The following IGSF11 variants were observed in gnomAD, a reference collection of about 807,000 sequenced individuals.
The protein encoded by IGSF11 is CXADR like 1.
Under a neutral mutation model 41.0 loss-of-function variants are expected in IGSF11, and 22 were observed. That is an observed-to-expected ratio of 0.54 (90% CI 0.38 to 0.77). The LOEUF (loss-of-function observed/expected upper bound fraction) is 0.77. Among genes scored for constraint, IGSF11 ranks in the 30% least tolerant of loss-of-function variants. The probability of loss-of-function intolerance (pLI) is 0.00; values close to 1 mark genes in which losing one functional copy is unlikely to be tolerated. For missense variants in IGSF11, 444 were observed against 530.8 expected, an observed-to-expected ratio of 0.84 and a Z score of 1.61; for synonymous variants, 219 against 201.3, an observed-to-expected ratio of 1.09 and a Z score of -0.74.
chr3:118,903,454 T>C (rs186101511), intron 6 of IGSF11, among the ~76,000 whole-genome samples: 200 of 152,194 alleles, frequency 1.3e-3, no homozygotes, highest in African/African-American at 3.7e-3. Flanking sequence ...CTAGGTGCCA[T>C]AAAATAGCTG....
intron 1 of IGSF11, among the ~76,000 whole-genome samples, chr3:119,116,119 G>C (rs2077252726): frequency 6.6e-6 from 1 of 152,188 alleles, no homozygotes; most frequent in South Asian, 2.1e-4. Flanking sequence ...GTGTCTGGAA[G>C]GGTGTTTCTA....
intron 1 of IGSF11, among the ~76,000 whole-genome samples, chr3:119,085,098 T>A (rs936847104): frequency 6.6e-6 from 1 of 152,130 alleles, no homozygotes; most frequent in Non-Finnish European, 1.5e-5. Flanking sequence ...GTGGGCACAT[T>A]GCCAATGATG....
intron 1 of IGSF11, among the ~76,000 whole-genome samples, chr3:119,051,789 A>G (rs1941638007): frequency 6.6e-6 from 1 of 152,192 alleles, no homozygotes; most frequent in African/African-American, 2.4e-5. Context: ...CTCTCAGACC[A>G]CAGTGGAATA....
In IGSF11 at chr3:118,902,788, T is replaced by A; in HGVS notation, c.1028A>T (p.Gln343Leu). The A allele has an allele frequency of 6.2e-6, 10 of 1,614,176 alleles. No individual in the cohort carries two copies. Among genetic ancestry groups the A allele is most frequent in the Non-Finnish European group, 8.5e-6 (10 of 1,180,014 alleles). ...ATTGCCTGAGTGGAAAGAGAAAGAT[T>A]GGCCCAAGTCACTGAAGTGGCTGAC... ...ESVSHFSDLG[Q>L]SFSFHSGNAN... Residue 343 changes from glutamine to leucine, a missense_variant, in exon 7 of 7, where the codon CAA becomes CTA. Transcript: ENST00000393775.
intron 3 of IGSF11, among the ~76,000 whole-genome samples, chr3:118,926,902 CA>C (rs934516217): frequency 1.3e-5 from 2 of 152,054 alleles, no homozygotes; most frequent in Admixed American, 6.6e-5. Flanking sequence ...AGGAAAAAAA[CA>C]AAACAAAACC....
rs960903827 is a variant in IGSF11 at position 119,142,293 on chromosome 3, A to C, written c.-14+3520T>G. Among the ~76,000 whole-genome samples the C allele has an allele frequency of 1.2e-4, 18 of 151,852 alleles. No individual in the cohort carries two copies. The South Asian group carries it at 2.3e-3, about 19-fold the overall frequency. On this transcript the variant is annotated intron_variant, in intron 1 of 7. Coordinates refer to the IGSF11 transcript ENST00000425327. ...CCATCTCAAAAAAAAAAAAAAAAAAAAAAGTGTCTGCATGTATTGGACATC... is the reference window on the plus strand; with the variant it reads ...CCATCTCAAAAAAAAAAAAAAAAAACAAAGTGTCTGCATGTATTGGACATC...
chr3:119,061,306 T>G (rs1209523449), intron 1 of IGSF11, among the ~76,000 whole-genome samples: 1 of 152,144 alleles, frequency 6.6e-6, no homozygotes, highest in Admixed American at 6.5e-5. Flanking sequence ...TTAGATCAGC[T>G]TCTCACAGGT....
At chr3:119,064,223 A>C (rs1942147456) in intron 1 of IGSF11, among the ~76,000 whole-genome samples, 1 of 152,216 alleles carries the variant, frequency 6.6e-6, no homozygotes, top group African/African-American at 2.4e-5. Context: ...TGCAGTCCAT[A>C]TGGATTTAAT....
chr3:118,930,345 T>TTTA (rs1559915425), intron 1 of IGSF11, 70 bp from the exon 2 acceptor site: 2 of 1,447,204 alleles, frequency 1.4e-6, no homozygotes, highest in Admixed American at 4.5e-5. Context: ...TCAGGAAGGT[T>TTTA]TGCGTGTTTT....
intron 4 of IGSF11, among the ~76,000 whole-genome samples, chr3:118,912,804 A>G (rs1326595923): frequency 2.0e-5 from 3 of 152,176 alleles, no homozygotes; most frequent in Admixed American, 6.5e-5. Context: ...AATAGTCACC[A>G]TAATAAAAGA....
intron 4 of IGSF11, among the ~76,000 whole-genome samples, chr3:118,920,720 T>C (rs1267703334): frequency 6.6e-6 from 1 of 152,146 alleles, no homozygotes; most frequent in East Asian, 1.9e-4. Flanking sequence ...TAAGAACAAA[T>C]TGACAAATCC....
chr3:118,906,820 A>C (rs1029955549), intron 4 of IGSF11, among the ~76,000 whole-genome samples: 2 of 152,178 alleles, frequency 1.3e-5, no homozygotes, highest in African/African-American at 4.8e-5. Context: ...TATATGTATT[A>C]TTTCAATCTT....
chr3:119,061,244 C>T (rs773934818), intron 1 of IGSF11, among the ~76,000 whole-genome samples: 6 of 151,970 alleles, frequency 3.9e-5, no homozygotes, highest in East Asian at 1.9e-4. Context: ...TCTTCTTATG[C>T]GCCATTTCAT....
intron 4 of IGSF11, among the ~76,000 whole-genome samples, chr3:118,913,920 G>A (rs1265009224): frequency 6.6e-6 from 1 of 152,120 alleles, no homozygotes; most frequent in Non-Finnish European, 1.5e-5. Flanking sequence ...GAGTTATGGT[G>A]GACTGAATGA....
At chr3:118,947,872 T>G (rs957676564) in intron 1 of IGSF11, 2 of 152,260 alleles carry the variant, frequency 1.3e-5, no homozygotes, top group Non-Finnish European at 2.9e-5. Flanking sequence ...TTTGGCTTCT[T>G]CTGCTCCAAC....
At chr3:119,145,158 C>CA (rs2077703682) in intron 1 of IGSF11, among the ~76,000 whole-genome samples, 1 of 152,188 alleles carries the variant, frequency 6.6e-6, no homozygotes, top group Non-Finnish European at 1.5e-5. Flanking sequence ...TCCTTTGTCA[C>CA]AAGTATTTGA....
At chr3:119,096,247 G>A (rs1479695672) in intron 1 of IGSF11, among the ~76,000 whole-genome samples, 1 of 151,894 alleles carries the variant, frequency 6.6e-6, no homozygotes, top group African/African-American at 2.4e-5. Flanking sequence ...TTATTAACTG[G>A]TCTACCCCTT....
rs533812993 is a variant in IGSF11, at chr3:119,047,025, C to G, written c.49+58119G>C. Among the ~76,000 whole-genome samples, 1,101 of 145,908 alleles carry G rather than the reference C, an allele frequency of 7.5e-3. 17 individuals are homozygous for G. Among genetic ancestry groups the G allele is most frequent in the African/African-American group, 0.026 (1,012 of 39,460 alleles). ...TAAACATGGAAAGGAACAACCGGTA[C>G]CAGCCGCTGCAAAATCATGCCAAAA... On this transcript the variant is annotated intron_variant, in intron 1 of 6. Transcript: ENST00000354673.
rs750740804 is a variant in IGSF11 at position 118,902,646 on chromosome 3, G to A, written c.1170C>T (p.Gly390=). The A allele has an allele frequency of 1.5e-5, 24 of 1,614,014 alleles. No individual in the cohort carries two copies. In the Admixed American group the frequency reaches 3.8e-4, roughly 26 times the overall value. Residue 390 remains glycine (G), a synonymous_variant, in exon 7 of 7, where the codon GGC becomes GGT. Coordinates refer to ENST00000393775, the MANE Select transcript of IGSF11 (RefSeq NM_001015887.3). ...SSPQVMSRSN[G]SVSRKPRPPH... ...GAGGCCGAGGCTTCCTACTGACTGAGCCATTGCTCCTGGACATCACCTGTG... is the reference window on the plus strand; with the variant it reads ...GAGGCCGAGGCTTCCTACTGACTGAACCATTGCTCCTGGACATCACCTGTG...
Sources: allele counts gnomAD v4.1 joint callset (sites outside exome capture counted in the v4.1 genomes callset), GRCh38; gene constraint gnomAD v4.1.1; transcripts MANE v1.5; gene names NCBI Gene and HGNC (gene_info 2026-07-23, HGNC 2026-07-21).